Variants in PALS1 observed in about 807,000 individuals in gnomAD.
PALS1 encodes the protein protein associated with LIN7 1, MAGUK p55 family member.
Under a neutral mutation model 78.9 loss-of-function variants are expected in PALS1, and 31 were observed. That is an observed-to-expected ratio of 0.39 (90% CI 0.30 to 0.53). The LOEUF is 0.53. PALS1 is among the 20% of genes least tolerant of loss of function. The pLI, the probability that PALS1 is intolerant of heterozygous loss-of-function variation, is 0.67. For synonymous variants in PALS1, 276 were observed against 270.9 expected (o/e 1.02, Z -0.18); for missense variants, 704 against 826.5 (o/e 0.85, Z 1.82).
At chr14:67,319,285 A>G (rs1019532416) in intron 11 of PALS1, among the ~76,000 whole-genome samples, 9 of 152,078 alleles carry the variant, frequency 5.9e-5, no homozygotes, top group African/African-American at 1.7e-4. Context: ...GAGAAGTAAT[A>G]TGAGTGAGGA....
rs983139626 is a variant in PALS1, at chr14:67,250,740, A to C, written c.-237+9207A>C. 1.3e-5 allele frequency among the ~76,000 whole-genome samples: 2 copies of C among 152,348 alleles called. 1 individual carries two copies. Among genetic ancestry groups the C allele is most frequent in the Middle Eastern group, 6.8e-3 (2 of 294 alleles). ...TGATTTGCATAAGGGTAATCAGTAC[A>C]TACTTAGAGTTAACGAAAATAAATT... is the stretch of plus-strand genomic sequence containing the variant. On this transcript the variant is annotated intron_variant, in intron 1 of 14. Coordinates refer to ENST00000261681, the MANE Select transcript of PALS1 (RefSeq NM_022474.4).
intron 14 of PALS1, among the ~76,000 whole-genome samples, chr14:67,330,751 A>G (rs926093427): frequency 2.6e-5 from 4 of 151,978 alleles, no homozygotes; most frequent in African/African-American, 9.7e-5. Context: ...AGCCCCCGGC[A>G]CCCCGCTTCC....
rs1447697953 is a variant in PALS1 at position 67,334,000 on chromosome 14, T to C, written c.*1044T>C. On this transcript the variant is annotated 3_prime_UTR_variant, in exon 15 of 15. Coordinates refer to ENST00000261681, the MANE Select transcript of PALS1 (RefSeq NM_022474.4). ...GTACTGTATATTAATATTTAATAGA[T>C]CAACAAATGGTCATTGAAAACACTT... is the stretch of plus-strand genomic sequence containing the variant. The C allele has an allele frequency of 6.6e-6, 1 of 152,584 alleles. No homozygotes were observed. Among genetic ancestry groups the C allele is most frequent in the Non-Finnish European group, 1.5e-5 (1 of 68,024 alleles). 9.5% of individuals were successfully genotyped at this position (152,584 alleles called of 1,614,324 possible). A position where few individuals can be genotyped will look rare whatever the true frequency, so the allele number is the denominator to read the frequency against.
intron 9 of PALS1, 44 bp downstream of exon 9, chr14:67,312,754 T>C: frequency 7.3e-7 from 1 of 1,365,792 alleles, no homozygotes; most frequent in Non-Finnish European, 9.7e-7. Context: ...TAAAAGAACA[T>C]TGAAAATGCA....
chr14:67,329,755 G>A (rs1321869807), intron 14 of PALS1, among the ~76,000 whole-genome samples: 1 of 151,974 alleles, frequency 6.6e-6, no homozygotes, highest in Non-Finnish European at 1.5e-5. Flanking sequence ...GGTGGTGCAC[G>A]CCTGTGGTAC....
chr14:67,266,626 GA>G (rs1377913130), intron 1 of PALS1, among the ~76,000 whole-genome samples: 2 of 151,896 alleles, frequency 1.3e-5, no homozygotes, highest in African/African-American at 4.8e-5. Context: ...TCGCCCAGCT[GA>G]AATATTTCAG....
Position 67,335,022 on chromosome 14 carries a change from T to C in PALS1, c.*2066T>C, listed in dbSNP as rs976509822. The C allele has an allele frequency of 2.0e-5, 3 of 152,204 alleles. No individual in the cohort carries two copies. Among genetic ancestry groups the C allele is most frequent in the South Asian group, 2.1e-4 (1 of 4,830 alleles). The allele number at this position is 152,204 out of a possible 1,614,324, so 9.4% of individuals were successfully genotyped here. A position where few individuals can be genotyped will look rare whatever the true frequency, so the allele number is the denominator to read the frequency against. The stretch of plus-strand genomic sequence containing the variant: ...CCTGCTGTAGACATTAGGCCTGCAC[T>C]AGGGCCATGTGCTGTCAAGATTCAG... On this transcript the variant is annotated 3_prime_UTR_variant, in exon 15 of 15. Coordinates refer to ENST00000261681, the MANE Select transcript of PALS1 (RefSeq NM_022474.4).
intron 14 of PALS1, among the ~76,000 whole-genome samples, chr14:67,325,977 TTC>T (rs2085347217): frequency 7.8e-6 from 1 of 127,734 alleles, no homozygotes; most frequent in African/African-American, 3.8e-5. Context: ...CCCGGCTCTT[TTC>T]TTTTTTTTTT....
intron 4 of PALS1, among the ~76,000 whole-genome samples, chr14:67,297,394 C>T (rs1356253296): frequency 6.6e-6 from 1 of 152,106 alleles, no homozygotes; most frequent in Non-Finnish European, 1.5e-5. Context: ...ATTAAAAAGG[C>T]TATCTCTGGG....
chr14:67,296,366 C>G (rs1236382180), intron 4 of PALS1, among the ~76,000 whole-genome samples: 1 of 151,856 alleles, frequency 6.6e-6, no homozygotes, highest in African/African-American at 2.4e-5. Context: ...TTTGGGAGGC[C>G]AAGGTGGGCA....
intron 8 of PALS1, among the ~76,000 whole-genome samples, chr14:67,311,457 T>C (rs2085087884): frequency 6.6e-6 from 1 of 152,146 alleles, no homozygotes; most frequent in Non-Finnish European, 1.5e-5. Context: ...ACTGCAAATA[T>C]GTGGGCAGAA....
chr14:67,274,699 A>G (rs2084469424), intron 2 of PALS1, among the ~76,000 whole-genome samples: 1 of 152,160 alleles, frequency 6.6e-6, no homozygotes, highest in African/African-American at 2.4e-5. Context: ...TTGAATCTAT[A>G]AATTACCTTG....
At chr14:67,309,566 T>G (rs2085057303) in intron 8 of PALS1, among the ~76,000 whole-genome samples, 1 of 152,150 alleles carries the variant, frequency 6.6e-6, no homozygotes, top group South Asian at 2.1e-4. Context: ...CCAGTTAAAT[T>G]AGAATAGTTA....
chr14:67,322,043 A>G (rs1011154412), intron 13 of PALS1, among the ~76,000 whole-genome samples: 4 of 152,206 alleles, frequency 2.6e-5, no homozygotes, highest in Non-Finnish European at 5.9e-5. Context: ...TTGGCAGACT[A>G]AGCAAAAGTG....
rs1447062916 is a variant in PALS1 at position 67,302,449 on chromosome 14, AG to A, written c.842del (p.Ser281ThrfsTer3). 1.3e-6 allele frequency: 2 copies of A among 1,598,990 alleles called. No individual in the cohort carries two copies. Among genetic ancestry groups the A allele is most frequent in the Non-Finnish European group, 1.7e-6 (2 of 1,172,332 alleles). On this transcript the variant is annotated frameshift_variant, in exon 7 of 15. Transcript: ENST00000261681. LOFTEE classifies it high-confidence loss of function. ...TAATGAAATGGACTCTGTCATCATT[AG>A]CCGGATAGTAAAAGGGGGTGCTGCA... ...VRNEMDSVII[S>X]RIVKGGAAEK...
Position 67,289,139 on chromosome 14 carries a change from G to T in PALS1, c.368-3372G>T, listed in dbSNP as rs1336816711. 3.0e-5 allele frequency among the ~76,000 whole-genome samples: 3 copies of T among 101,174 alleles called. No individual in the cohort carries two copies. The South Asian group carries it at 8.6e-4, about 29-fold the overall frequency. 66.4% of individuals were successfully genotyped at this position (101,174 alleles called of 152,430 possible). A position where few individuals can be genotyped will look rare whatever the true frequency, so the allele number is the denominator to read the frequency against. On this transcript the variant is annotated intron_variant, in intron 3 of 14. Coordinates refer to ENST00000261681, the MANE Select transcript of PALS1 (RefSeq NM_022474.4). ...ACACCGCCATAACTGGTTAATTTTT[G>T]CATTTTTTTGTAGACCTGGAGTTTT...
intron 9 of PALS1, among the ~76,000 whole-genome samples, chr14:67,315,648 G>A (rs968284639): frequency 2.6e-5 from 4 of 152,140 alleles, no homozygotes; most frequent in Admixed American, 1.3e-4. Flanking sequence ...AGTCTTGGCC[G>A]TGCACAGTGG....
At chr14:67,255,252 T>A (rs1459917661) in intron 1 of PALS1, among the ~76,000 whole-genome samples, 1 of 152,070 alleles carries the variant, frequency 6.6e-6, no homozygotes, top group African/African-American at 2.4e-5. Flanking sequence ...ATGAAGAAAA[T>A]CTGCATGGAG....
Position 67,279,129 on chromosome 14 carries a change from A to G in PALS1, c.-42A>G. 3 of 1,500,434 alleles carry G rather than the reference A, an allele frequency of 2.0e-6. No individual in the cohort carries two copies. Among genetic ancestry groups the G allele is most frequent in the Non-Finnish European group, 2.7e-6 (3 of 1,128,058 alleles). The allele number at this position is 1,500,434 out of a possible 1,614,324, so 92.9% of individuals were successfully genotyped here. ...AATCAAGAGAATTGGCTTATAGGAAAAATTGATTTATAAAAAGTGGTACAG... is the reference window on the plus strand; with the variant it reads ...AATCAAGAGAATTGGCTTATAGGAAGAATTGATTTATAAAAAGTGGTACAG... On this transcript the variant is annotated 5_prime_UTR_variant, in exon 3 of 15. Transcript: ENST00000261681.
Sources: allele counts gnomAD v4.1 joint callset (sites outside exome capture counted in the v4.1 genomes callset), GRCh38; gene constraint gnomAD v4.1.1; transcripts MANE v1.5; gene names NCBI Gene and HGNC (gene_info 2026-07-23, HGNC 2026-07-21).